Variants in PLCG2 observed in about 807,000 individuals in gnomAD.
The protein encoded by PLCG2 is 1-phosphatidylinositol 4,5-bisphosphate phosphodiesterase gamma-2.
Under a neutral mutation model 175.6 loss-of-function variants are expected in PLCG2, and 69 were observed. That is an observed-to-expected ratio of 0.39 (90% CI 0.32 to 0.48). PLCG2 has a LOEUF of 0.48. Ranked by LOEUF, PLCG2 falls within the 20% of genes least tolerant of loss-of-function variation. The probability of loss-of-function intolerance (pLI) is 0.91; values close to 1 mark genes in which losing one functional copy is unlikely to be tolerated. For synonymous variants in PLCG2, 827 were observed against 624.0 expected (o/e 1.33, Z -4.85); for missense variants, 1,798 against 1,650.9 (o/e 1.09, Z -1.54).
intron 2 of PLCG2, among the ~76,000 whole-genome samples, chr16:81,805,391 C>G (rs552848835): frequency 2.3e-4 from 35 of 150,790 alleles, no homozygotes; most frequent in African/African-American, 7.8e-4. Context: ...CCCAGCTACT[C>G]AGGAGGCTGA....
At chr16:81,810,328 G>A (rs9806938) in intron 2 of PLCG2, among the ~76,000 whole-genome samples, 2,476 of 152,318 alleles carry the variant, frequency 0.016, 57 homozygotes, top group African/African-American at 0.057. Flanking sequence ...TATAGAACAC[G>A]TAACGTGGCC....
chr16:81,799,042 A>G (rs1911602272), intron 2 of PLCG2: 1 of 152,302 alleles, frequency 6.6e-6, no homozygotes, highest in Admixed American at 6.5e-5. Flanking sequence ...GCCCAAGCCC[A>G]GCGTGGCGCA....
chr16:81,956,883 G>C lies in PLCG2; in HGVS notation c.3755+4G>C. The C allele has an allele frequency of 6.2e-7, 1 of 1,611,306 alleles. No homozygotes were observed. The highest frequency in any genetic ancestry group is 8.5e-7 in the Non-Finnish European group (1 of 1,177,824). On this transcript the variant is annotated splice_donor_region_variant and intron_variant, in intron 32 of 32. Coordinates refer to ENST00000564138, the MANE Select transcript of PLCG2 (RefSeq NM_002661.5). ...ACCAGGAGAAATGCAACAAGAGGTA[G>C]GTCAGCCCCTCCACCTGCAAAAACT...
intron 31 of PLCG2, among the ~76,000 whole-genome samples, chr16:81,950,223 C>A (rs888519867): frequency 1.2e-4 from 19 of 152,070 alleles, no homozygotes; most frequent in Non-Finnish European, 2.1e-4. Flanking sequence ...GGCCTAAAGG[C>A]AAGGTAAATA....
chr16:81,818,006 G>T (rs911627526), intron 2 of PLCG2, among the ~76,000 whole-genome samples: 9 of 152,216 alleles, frequency 5.9e-5, no homozygotes, highest in South Asian at 2.1e-4. Context: ...GAGAGACCTG[G>T]TTGTCATCTA....
chr16:81,918,513 C>T (rs183464875), intron 19 of PLCG2, among the ~76,000 whole-genome samples: 12 of 152,058 alleles, frequency 7.9e-5, no homozygotes, highest in African/African-American at 2.4e-4. Flanking sequence ...CTGTCCTTTC[C>T]CCCTGGTGTG....
chr16:81,749,709 A>C (rs1484556543), intron 1 of PLCG2, among the ~76,000 whole-genome samples: 1 of 152,218 alleles, frequency 6.6e-6, no homozygotes, highest in African/African-American at 2.4e-5. Flanking sequence ...GCAATGAAGT[A>C]TTTGGAGGGC....
upstream of PLCG2, among the ~76,000 whole-genome samples, chr16:81,776,073 T>C (rs560581061): frequency 0.038 from 1,273 of 33,850 alleles, 118 homozygotes; most frequent in African/African-American, 0.088. Context: ...AGTGGTTTCT[T>C]TCTCTCTCTC....
chr16:81,937,172 G>A (rs1910751024), intron 27 of PLCG2, among the ~76,000 whole-genome samples: 1 of 152,184 alleles, frequency 6.6e-6, no homozygotes. Flanking sequence ...AGAGATCGTG[G>A]GCGGGGATGC....
chr16:81,798,850 C>T lies in PLCG2; in HGVS notation c.193+12668C>T, dbSNP rs373860097. On this transcript the variant is annotated intron_variant, in intron 2 of 32. Transcript: ENST00000564138. ...CCCGGCCTCAGGACTTCAGGGATCCCACTGCGTCTTCTCTGCTCCTGCTTC... is the reference window on the plus strand; with the variant it reads ...CCCGGCCTCAGGACTTCAGGGATCCTACTGCGTCTTCTCTGCTCCTGCTTC... 3.9e-5 allele frequency: 6 copies of T among 152,492 alleles called. No individual in the cohort carries two copies. In the East Asian group the frequency reaches 7.7e-4, roughly 20 times the overall value. The allele number at this position is 152,492 out of a possible 1,614,324, so 9.4% of individuals were successfully genotyped here. A position where few individuals can be genotyped will look rare whatever the true frequency, so the allele number is the denominator to read the frequency against.
At chr16:81,839,607 C>T (rs1041268081) in intron 2 of PLCG2, among the ~76,000 whole-genome samples, 2 of 151,964 alleles carry the variant, frequency 1.3e-5, no homozygotes, top group Non-Finnish European at 2.9e-5. Context: ...AGAAAAGAAA[C>T]TTGATTTCAT....
intron 2 of PLCG2, among the ~76,000 whole-genome samples, chr16:81,846,392 C>T (rs1396772634): frequency 6.6e-6 from 1 of 152,238 alleles, no homozygotes; most frequent in Non-Finnish European, 1.5e-5. Context: ...CCCACTCCTG[C>T]ACTCTCCCAG....
At chr16:81,827,308 C>G (rs1165268267) in intron 2 of PLCG2, among the ~76,000 whole-genome samples, 1 of 151,846 alleles carries the variant, frequency 6.6e-6, no homozygotes, top group Admixed American at 6.6e-5. Context: ...CTCAGTCTCC[C>G]AAGTACCTGG....
chr16:81,825,213 C>T (rs911943479), intron 2 of PLCG2, among the ~76,000 whole-genome samples: 1 of 151,154 alleles, frequency 6.6e-6, no homozygotes, highest in African/African-American at 2.4e-5. Context: ...CTCAGTGATG[C>T]TTATTTGGGA....
chr16:81,741,827 C>G (rs529196966), intron 1 of PLCG2, among the ~76,000 whole-genome samples: 3 of 152,230 alleles, frequency 2.0e-5, no homozygotes, highest in African/African-American at 4.8e-5. Context: ...GTATAATGAT[C>G]AAATCAGAGT....
chr16:81,746,361 G>T (rs1909705228), intron 1 of PLCG2, among the ~76,000 whole-genome samples: 1 of 152,172 alleles, frequency 6.6e-6, no homozygotes, highest in Non-Finnish European at 1.5e-5. Context: ...AAAACATCTG[G>T]GGCGGAAACG....
chr16:81,947,166 C>A (rs1273263363), intron 31 of PLCG2, among the ~76,000 whole-genome samples: 2 of 152,208 alleles, frequency 1.3e-5, no homozygotes, highest in African/African-American at 2.4e-5. Context: ...GTATCACCAG[C>A]AGCAGAGAAA....
intron 24 of PLCG2, among the ~76,000 whole-genome samples, chr16:81,929,773 C>T (rs1441057236): frequency 1.3e-5 from 2 of 152,226 alleles, no homozygotes; most frequent in Non-Finnish European, 2.9e-5. Context: ...TTCTTTGCTC[C>T]GATTACCAGA....
chr16:81,860,534 C>CATT, intron 5 of PLCG2, among the ~76,000 whole-genome samples: 1 of 152,110 alleles, frequency 6.6e-6, no homozygotes, highest in East Asian at 1.9e-4. Flanking sequence ...TTTATTGTGC[C>CATT]ATTAGACTTT....
Sources: allele counts gnomAD v4.1 joint callset (sites outside exome capture counted in the v4.1 genomes callset), GRCh38; gene constraint gnomAD v4.1.1; transcripts MANE v1.5; gene names NCBI Gene and HGNC (gene_info 2026-07-23, HGNC 2026-07-21).